Variants in TRAPPC9 observed in about 807,000 individuals in gnomAD.
TRAPPC9 encodes IKK2 binding protein.
A neutral mutation model predicts 124.0 loss-of-function variants in TRAPPC9; 83 were observed. The observed-to-expected ratio is 0.67, with a 90% CI of 0.56 to 0.80. The LOEUF (loss-of-function observed/expected upper bound fraction) is 0.80, where lower values mean the gene tolerates loss of function less well. Among genes scored for constraint, TRAPPC9 ranks in the 30% least tolerant of loss-of-function variants. The pLI is 0.00. For synonymous variants in TRAPPC9, 638 were observed against 617.5 expected, an observed-to-expected ratio of 1.03 and a Z score of -0.49; for missense variants, 1,302 against 1,508.3, an observed-to-expected ratio of 0.86 and a Z score of 2.27.
At chr8:139,942,431 T>A (rs2131451534) in intron 19 of TRAPPC9, among the ~76,000 whole-genome samples, 1 of 152,272 alleles carries the variant, frequency 6.6e-6, no homozygotes, top group Admixed American at 6.5e-5. Flanking sequence ...GGAGGCAAGA[T>A]GCTAGAGACA....
At chr8:139,989,236 T>C (rs1450324471) in intron 18 of TRAPPC9, among the ~76,000 whole-genome samples, 1 of 152,232 alleles carries the variant, frequency 6.6e-6, no homozygotes, top group African/African-American at 2.4e-5. Flanking sequence ...TCAAGGATGC[T>C]GTGTCCAAGC....
At chr8:140,144,492 ATT>A (rs2061427723) in intron 17 of TRAPPC9, among the ~76,000 whole-genome samples, 1 of 151,764 alleles carries the variant, frequency 6.6e-6, no homozygotes, top group East Asian at 1.9e-4. Context: ...TCATTCATTC[ATT>A]CATTCATTCA....
chr8:139,752,427 A>C (rs969159115), intron 21 of TRAPPC9, among the ~76,000 whole-genome samples: 1 of 150,482 alleles, frequency 6.6e-6, no homozygotes, highest in Admixed American at 6.6e-5. Context: ...CCATCCATCC[A>C]TCTAACATCT....
In TRAPPC9 at chr8:139,880,153, C is replaced by T. The variant is rs567768905; in HGVS notation, c.3055+5726G>A. On this transcript the variant is annotated intron_variant, in intron 21 of 22. Coordinates refer to ENST00000438773, the MANE Select transcript of TRAPPC9 (RefSeq NM_001160372.4). ...ATGGAAAACCCCCACATGGCTTCTT[C>T]GGGAAGAGATGCCATTCAACTCAGC... Among the ~76,000 whole-genome samples the T allele has an allele frequency of 3.9e-5, 6 of 152,294 alleles. No homozygotes were observed. The South Asian group carries it at 1.0e-3, about 26-fold the overall frequency.
chr8:140,304,228 G>C (rs2066059818), intron 10 of TRAPPC9, among the ~76,000 whole-genome samples: 1 of 151,912 alleles, frequency 6.6e-6, no homozygotes, highest in Non-Finnish European at 1.5e-5. Context: ...CCAAGTAGCT[G>C]GGACTACAAG....
intron 17 of TRAPPC9, among the ~76,000 whole-genome samples, chr8:140,073,870 C>T (rs1046098476): frequency 2.2e-4 from 33 of 152,140 alleles, no homozygotes; most frequent in Non-Finnish European, 8.8e-5. Context: ...AAAATTTTCC[C>T]TAGTAAATGA....
chr8:139,897,711 C>T (rs947744691), intron 20 of TRAPPC9, among the ~76,000 whole-genome samples: 3 of 152,224 alleles, frequency 2.0e-5, no homozygotes, highest in East Asian at 3.9e-4. Flanking sequence ...AAACTCACCC[C>T]AGTGGGGTTT....
chr8:140,041,031 G>A (rs1182425785), intron 17 of TRAPPC9: 1 of 152,210 alleles, frequency 6.6e-6, no homozygotes, highest in Non-Finnish European at 1.5e-5. Context: ...GTAATATCCA[G>A]GTATGAATGG....
chr8:140,183,914 G>A (rs2062273992), intron 17 of TRAPPC9, among the ~76,000 whole-genome samples: 1 of 38,346 alleles, frequency 2.6e-5, no homozygotes, highest in Non-Finnish European at 5.8e-5. Context: ...GAGGAGAGGA[G>A]AGGAGAGGAG....
chr8:140,404,928 G>A (rs1388605147), intron 6 of TRAPPC9, among the ~76,000 whole-genome samples: 2 of 152,046 alleles, frequency 1.3e-5, no homozygotes, highest in African/African-American at 4.8e-5. Flanking sequence ...GTGTGTGTGT[G>A]TGTGTGTGTG....
chr8:140,312,752 CTTCTTCTTTTTTT>C (rs2066331855), intron 9 of TRAPPC9, among the ~76,000 whole-genome samples: 1 of 146,928 alleles, frequency 6.8e-6, no homozygotes, highest in South Asian at 2.1e-4. Context: ...TCTTCTTCTT[CTTCTTCTTTTTTT>C]TTTTTTTTTT....
intron 21 of TRAPPC9, among the ~76,000 whole-genome samples, chr8:139,760,922 G>A (rs1035929695): frequency 6.6e-6 from 1 of 152,120 alleles, no homozygotes; most frequent in African/African-American, 2.4e-5. Context: ...ATTTGGGTGG[G>A]GACACAGAGC....
chr8:140,448,635 ACC>A (rs985010791), intron 2 of TRAPPC9, among the ~76,000 whole-genome samples: 28 of 151,964 alleles, frequency 1.8e-4, no homozygotes, highest in African/African-American at 6.3e-4. Context: ...TCAACCCCTC[ACC>A]CCTTCTCTGT....
chr8:140,296,171 A>C (rs2065798133), intron 11 of TRAPPC9, among the ~76,000 whole-genome samples: 1 of 152,254 alleles, frequency 6.6e-6, no homozygotes, highest in African/African-American at 2.4e-5. Context: ...CAGCATCAGC[A>C]TCAAATAGTT....
rs1587943479 is a variant in TRAPPC9, at chr8:140,216,116, G to A, written c.2556+5343C>T. ...CAGAGACCAAAGTGGGTAACTTGGA[G>A]AGTGTGACATCACCTCAAGGAGCCT... On this transcript the variant is annotated intron_variant, in intron 17 of 22. Coordinates refer to ENST00000438773, the MANE Select transcript of TRAPPC9 (RefSeq NM_001160372.4). The surrounding 1 kb of genome is among the most constrained non-coding windows in gnomAD (Gnocchi z 4.1). The A allele has an allele frequency of 6.6e-6, 1 of 152,352 alleles. No homozygotes were observed. Among genetic ancestry groups the A allele is most frequent in the African/African-American group, 2.4e-5 (1 of 41,586 alleles). The allele number at this position is 152,352 out of a possible 1,614,324, so 9.4% of individuals were successfully genotyped here. A position where few individuals can be genotyped will look rare whatever the true frequency, so the allele number is the denominator to read the frequency against.
intron 17 of TRAPPC9, among the ~76,000 whole-genome samples, chr8:140,115,958 G>A (rs1205235106): frequency 2.0e-5 from 3 of 152,164 alleles, no homozygotes; most frequent in African/African-American, 7.2e-5. Context: ...GATTATTACT[G>A]GGGGAAGGAA....
chr8:140,219,259 G>A (rs1293359933), intron 17 of TRAPPC9, among the ~76,000 whole-genome samples: 2 of 152,184 alleles, frequency 1.3e-5, no homozygotes, highest in Non-Finnish European at 2.9e-5. Context: ...CAGCCTGCCC[G>A]GCCTGCTTCC....
chr8:140,263,629 C>T (rs1173953764), intron 15 of TRAPPC9, among the ~76,000 whole-genome samples: 1 of 152,124 alleles, frequency 6.6e-6, no homozygotes, highest in Non-Finnish European at 1.5e-5. Flanking sequence ...AAGTGCCTTG[C>T]ATGTAGTATA....
intron 18 of TRAPPC9, among the ~76,000 whole-genome samples, chr8:139,994,152 C>A (rs1478798817): frequency 2.0e-5 from 3 of 152,214 alleles, no homozygotes; most frequent in Non-Finnish European, 2.9e-5. Flanking sequence ...TTGCACAGAG[C>A]TAGTGCTTAG....
Sources: gnomAD v4.1 joint callset for allele counts (sites outside exome capture counted in the v4.1 genomes callset) on GRCh38, gnomAD v4.1.1 for gene constraint, Gnocchi (gnomAD v3.1) non-coding constraint, MANE v1.5 for transcripts, NCBI Gene and HGNC (gene_info 2026-07-23, HGNC 2026-07-21) for gene names.